The following ARHGAP29 variants were observed in gnomAD, a reference collection of about 807,000 sequenced individuals.
ARHGAP29 encodes Rho GTPase activating protein 29, also known as rho GTPase-activating protein 29.
In ARHGAP29, 43 loss-of-function variants were observed where a neutral mutation model predicts 122.6. That is an observed-to-expected ratio of 0.35 (90% CI 0.27 to 0.45). ARHGAP29 has a LOEUF of 0.45. Ranked by LOEUF, ARHGAP29 falls within the 20% of genes least tolerant of loss-of-function variation. The pLI, the probability that ARHGAP29 is intolerant of heterozygous loss-of-function variation, is 1.00. For synonymous variants in ARHGAP29, 506 were observed against 497.1 expected, an observed-to-expected ratio of 1.02 and a Z score of -0.24; for missense variants, 1,303 against 1,477.2, an observed-to-expected ratio of 0.88 and a Z score of 1.93.
At chr1:94,245,338 C>T (rs1414033091) in intron 1 of ARHGAP29, among the ~76,000 whole-genome samples, 2 of 152,146 alleles carry the variant, frequency 1.3e-5, no homozygotes, top group Non-Finnish European at 2.9e-5. Context: ...AACCCAAACT[C>T]CATCAACAGA....
rs148541162 is a variant in ARHGAP29 at position 94,187,291 on chromosome 1, C to T, written c.1682-694G>A. Among the ~76,000 whole-genome samples the T allele has an allele frequency of 4.0e-3, 615 of 152,304 alleles. 3 individuals carry two copies. The highest frequency in any genetic ancestry group is 0.014 in the African/African-American group (582 of 41,574). On this transcript the variant is annotated intron_variant, in intron 15 of 22. Transcript: ENST00000260526. ...ATTCACCTTAACGTAAGGCCTTAAA[C>T]GTTTCAAATTCAGAGTTAGAAAAGC...
At chr1:94,251,922 A>C (rs1654113467) in intron 1 of ARHGAP29, among the ~76,000 whole-genome samples, 1 of 152,074 alleles carries the variant, frequency 6.6e-6, no homozygotes, top group Non-Finnish European at 1.5e-5. Flanking sequence ...ATGTCCCCTT[A>C]CTAGTATGGG....
chr1:94,282,180 C>CT, the ARHGAP29 span, among the ~76,000 whole-genome samples: 208 of 148,884 alleles, frequency 1.4e-3, 1 homozygote, highest in Middle Eastern at 3.4e-3. Context: ...ACAACCTTGT[C>CT]TTTTTTAAAA....
In ARHGAP29 at chr1:94,220,398, A is replaced by G; in HGVS notation, c.206-6T>C. ...AATAACTTCTTTAAAACAGTCTTTA[A>G]AAAGAAAAAAAAATAATTTATTTCC... On this transcript the variant is annotated splice_polypyrimidine_tract_variant and splice_region_variant and intron_variant, in intron 2 of 22. Coordinates refer to ENST00000260526, the MANE Select transcript of ARHGAP29 (RefSeq NM_004815.4). 4 of 1,573,168 alleles carry G rather than the reference A, an allele frequency of 2.5e-6. No homozygotes were observed. The highest frequency in any genetic ancestry group is 3.4e-6 in the Non-Finnish European group (4 of 1,160,100).
chr1:94,207,879 C>T lies in ARHGAP29; in HGVS notation c.510+953G>A, dbSNP rs148142249. Among the ~76,000 whole-genome samples the T allele has an allele frequency of 9.1e-3, 1,377 of 151,348 alleles. 27 individuals are homozygous for T. The highest frequency in any genetic ancestry group is 0.032 in the African/African-American group (1,306 of 41,208). Reference sequence around the variant, plus strand: ...CTTTGTGTTTTTTTAGAGACAGAGTCGCACTGGCTAGAGAGGAATGACACA... The same window carrying T: ...CTTTGTGTTTTTTTAGAGACAGAGTTGCACTGGCTAGAGAGGAATGACACA... On this transcript the variant is annotated intron_variant, in intron 5 of 22. Transcript: ENST00000260526.
chr1:94,273,002 G>A (rs1468966450), intron 1 of ARHGAP29, among the ~76,000 whole-genome samples: 1 of 152,168 alleles, frequency 6.6e-6, no homozygotes, highest in Non-Finnish European at 1.5e-5. Context: ...AGACTGTAGA[G>A]TAACTTTTGG....
At chr1:94,286,253 C>A in the ARHGAP29 span, among the ~76,000 whole-genome samples, 2 of 152,232 alleles carry the variant, frequency 1.3e-5, no homozygotes, top group African/African-American at 4.8e-5. Flanking sequence ...ACTCTTATTA[C>A]CTCATTTAAC....
the ARHGAP29 span, chr1:94,302,890 C>A: frequency 4.8e-6 from 1 of 209,186 alleles, no homozygotes; most frequent in Non-Finnish European, 9.8e-6. Context: ...GTGACACCCA[C>A]TCTTCCACCT....
chr1:94,239,341 C>T (rs1653484046), upstream of ARHGAP29, among the ~76,000 whole-genome samples: 1 of 152,160 alleles, frequency 6.6e-6, no homozygotes, highest in Non-Finnish European at 1.5e-5. Context: ...TTATTTTGCA[C>T]TTATACACCA....
rs1337271380 is a variant in ARHGAP29 at position 94,185,935 on chromosome 1, T to C, written c.1781-454A>G. On this transcript the variant is annotated intron_variant, in intron 16 of 22. Transcript: ENST00000260526. ...CTATAAAATTATAGTTAATATTAGC[T>C]AATTACATATTAATATTATACTGGA... Among the ~76,000 whole-genome samples, 6 of 152,202 alleles carry C rather than the reference T, an allele frequency of 3.9e-5. No homozygotes were observed. The East Asian group carries it at 1.2e-3, about 29-fold the overall frequency.
At chr1:94,190,778 C>CT (rs1304493291) in intron 12 of ARHGAP29, 4 of 152,112 alleles carry the variant, frequency 2.6e-5, no homozygotes, top group African/African-American at 9.7e-5. Context: ...ACTGACCCTC[C>CT]TGGACCTTTA....
At chr1:94,193,859 T>C (rs1446111320) in intron 12 of ARHGAP29, 3 of 152,184 alleles carry the variant, frequency 2.0e-5, no homozygotes, top group Non-Finnish European at 4.4e-5. Flanking sequence ...GAAGAATGAA[T>C]AGAAATAGTA....
At chr1:94,248,447 A>G (rs1423952597) in intron 1 of ARHGAP29, among the ~76,000 whole-genome samples, 1 of 152,226 alleles carries the variant, frequency 6.6e-6, no homozygotes, top group Admixed American at 6.5e-5. Context: ...CTGCATTTAT[A>G]TATAATATAT....
chr1:94,307,624 C>G, the ARHGAP29 span, among the ~76,000 whole-genome samples: 1 of 151,886 alleles, frequency 6.6e-6, no homozygotes, highest in Non-Finnish European at 1.5e-5. Flanking sequence ...TGGCACAGAC[C>G]AGAGACCACA....
At chr1:94,174,968 T>G (rs974968665) in intron 22 of ARHGAP29, among the ~76,000 whole-genome samples, 2 of 152,202 alleles carry the variant, frequency 1.3e-5, no homozygotes, top group Non-Finnish European at 2.9e-5. Context: ...TAAATCAACA[T>G]GAACAGCTAC....
chr1:94,280,868 G>A, the ARHGAP29 span, among the ~76,000 whole-genome samples: 5 of 152,134 alleles, frequency 3.3e-5, no homozygotes, highest in Non-Finnish European at 5.9e-5. Context: ...AAGAGGATAG[G>A]ATGGAGTTGT....
intron 1 of ARHGAP29, among the ~76,000 whole-genome samples, chr1:94,260,003 G>T (rs942886089): frequency 6.6e-6 from 1 of 152,200 alleles, no homozygotes; most frequent in Non-Finnish European, 1.5e-5. Context: ...CGGAGTTTCT[G>T]TAGAGGACCA....
chr1:94,283,095 A>T, the ARHGAP29 span, among the ~76,000 whole-genome samples: 1 of 152,220 alleles, frequency 6.6e-6, no homozygotes, highest in African/African-American at 2.4e-5. Flanking sequence ...AGGAAAAAAA[A>T]TACATAAAAC....
At chr1:94,299,609 A>G in the ARHGAP29 span, among the ~76,000 whole-genome samples, 4 of 152,158 alleles carry the variant, frequency 2.6e-5, no homozygotes, top group African/African-American at 7.2e-5. Context: ...AATCTATTAA[A>G]TATCTCAGTT....
Sources: gnomAD v4.1 joint callset for allele counts (sites outside exome capture counted in the v4.1 genomes callset) on GRCh38, gnomAD v4.1.1 for gene constraint, MANE v1.5 for transcripts, NCBI Gene and HGNC (gene_info 2026-07-23, HGNC 2026-07-21) for gene names.